Variants in SMOC2 observed in about 807,000 individuals in gnomAD.
SMOC2 encodes the protein SPARC-related modular calcium-binding protein 2.
A neutral mutation model predicts 61.4 loss-of-function variants in SMOC2; 39 were observed. The ratio of observed to expected loss-of-function variants is 0.64; its 90% confidence interval spans 0.49 to 0.83. SMOC2 has a LOEUF of 0.83. Among genes scored for constraint, SMOC2 ranks in the 40% least tolerant of loss-of-function variants. SMOC2 has a pLI of 0.00. For missense variants in SMOC2, 556 were observed against 592.9 expected (o/e 0.94, Z 0.65); for synonymous variants, 247 against 239.9 (o/e 1.03, Z -0.27).
At chr6:168,549,280 TAA>T in intron 7 of SMOC2, 77 bp downstream of exon 7, 1 of 1,387,796 alleles carries the variant, frequency 7.2e-7, no homozygotes, top group South Asian at 1.2e-5. Context: ...TTTTTGGAGT[TAA>T]GTGTATTGTA....
intron 7 of SMOC2, among the ~76,000 whole-genome samples, chr6:168,568,831 C>G (rs1020849668): frequency 1.3e-5 from 2 of 152,154 alleles, no homozygotes; most frequent in African/African-American, 4.8e-5. Flanking sequence ...GTTTAAGGTT[C>G]CTCTGTTACT....
At chr6:168,487,899 T>C (rs1157341601) in intron 1 of SMOC2, among the ~76,000 whole-genome samples, 3 of 152,218 alleles carry the variant, frequency 2.0e-5, no homozygotes, top group African/African-American at 7.2e-5. Context: ...TACATGTATA[T>C]TCTATATGTA....
chr6:168,534,444 C>T (rs375851862), intron 4 of SMOC2, among the ~76,000 whole-genome samples: 1 of 152,246 alleles, frequency 6.6e-6, no homozygotes, highest in African/African-American at 2.4e-5. Flanking sequence ...TGCCAGGGCC[C>T]GGACTGGAAG....
At chr6:168,487,270 A>G (rs921151364) in intron 1 of SMOC2, among the ~76,000 whole-genome samples, 1 of 152,196 alleles carries the variant, frequency 6.6e-6, no homozygotes, top group Non-Finnish European at 1.5e-5. Flanking sequence ...TCCAACTTAA[A>G]TAAACTCACA....
intron 1 of SMOC2, among the ~76,000 whole-genome samples, chr6:168,491,548 A>G (rs1470135606): frequency 6.6e-6 from 1 of 152,106 alleles, no homozygotes; most frequent in East Asian, 1.9e-4. Flanking sequence ...CTCCTGGGCA[A>G]CTCCCACCAG....
At chr6:168,657,883 C>T (rs996034719) in intron 11 of SMOC2, among the ~76,000 whole-genome samples, 2 of 152,192 alleles carry the variant, frequency 1.3e-5, no homozygotes, top group African/African-American at 2.4e-5. Context: ...ATGATGCAGA[C>T]CTCTTAAACC....
intron 7 of SMOC2, among the ~76,000 whole-genome samples, chr6:168,571,047 G>T (rs1583120363): frequency 6.6e-6 from 1 of 152,162 alleles, no homozygotes; most frequent in East Asian, 1.9e-4. Context: ...GACCCTCTTT[G>T]CAGTGACAGT....
At chr6:168,524,995 G>T (rs916699734) in intron 2 of SMOC2, among the ~76,000 whole-genome samples, 1 of 152,252 alleles carries the variant, frequency 6.6e-6, no homozygotes, top group Non-Finnish European at 1.5e-5. Context: ...CCACGAGGGA[G>T]TCAAAAAGTC....
chr6:168,493,025 A>AGATAT (rs1416611366), intron 1 of SMOC2, among the ~76,000 whole-genome samples: 1 of 152,106 alleles, frequency 6.6e-6, no homozygotes, highest in Non-Finnish European at 1.5e-5. Context: ...TGGAATGTTT[A>AGATAT]GATATGCTCA....
intron 1 of SMOC2, among the ~76,000 whole-genome samples, chr6:168,449,308 G>A (rs963636512): frequency 6.6e-6 from 1 of 152,108 alleles, no homozygotes. Context: ...CATTTATAGC[G>A]GTCACTGTAA....
chr6:168,582,446 G>T (rs1038372578), intron 7 of SMOC2, among the ~76,000 whole-genome samples: 2 of 152,180 alleles, frequency 1.3e-5, no homozygotes, highest in African/African-American at 4.8e-5. Context: ...AGGGCTGCAG[G>T]GGTCTTGGGG....
At chr6:168,597,830 C>A (rs1442930137) in intron 7 of SMOC2, among the ~76,000 whole-genome samples, 4 of 152,192 alleles carry the variant, frequency 2.6e-5, no homozygotes, top group Admixed American at 6.5e-5. Context: ...CTACCGCTCT[C>A]CCCCCAGGTG....
chr6:168,587,322 CTCAG>C (rs1785067277), intron 7 of SMOC2, among the ~76,000 whole-genome samples: 1 of 152,216 alleles, frequency 6.6e-6, no homozygotes, highest in African/African-American at 2.4e-5. Context: ...TGTGACAAGT[CTCAG>C]TCAATTTGGA....
intron 2 of SMOC2, among the ~76,000 whole-genome samples, chr6:168,512,069 T>C (rs1783022983): frequency 6.6e-6 from 1 of 152,076 alleles, no homozygotes; most frequent in Non-Finnish European, 1.5e-5. Flanking sequence ...GATGATGTTA[T>C]CCTCCCCTCA....
In SMOC2 at chr6:168,624,199, T is replaced by C. The variant is rs1786324452; in HGVS notation, c.907+15960T>C. 2.0e-5 allele frequency among the ~76,000 whole-genome samples: 3 copies of C among 152,232 alleles called. No individual in the cohort carries two copies. In the South Asian group the frequency reaches 6.2e-4, roughly 31 times the overall value. ...CCTATATGAGTTCATTTACGACTCA[T>C]GACAGTGCTGTGAGGAAGTGTTATT... On this transcript the variant is annotated intron_variant, in intron 9 of 12. Coordinates refer to ENST00000356284, the MANE Select transcript of SMOC2 (RefSeq NM_001166412.2).
intron 7 of SMOC2, among the ~76,000 whole-genome samples, chr6:168,589,309 G>T (rs79500297): frequency 6.6e-6 from 1 of 152,216 alleles, no homozygotes; most frequent in Admixed American, 6.5e-5. Context: ...TTAAAAACAA[G>T]GTATGTCTGG....
rs114927668 is a variant in SMOC2 at position 168,628,628 on chromosome 6, T to A, written c.907+20389T>A. Among the ~76,000 whole-genome samples the A allele has an allele frequency of 3.6e-3, 549 of 152,342 alleles. 4 individuals carry two copies. The highest frequency in any genetic ancestry group is 0.013 in the African/African-American group (537 of 41,574). On this transcript the variant is annotated intron_variant, in intron 9 of 12. Transcript: ENST00000356284. ...TTATACTTTTATTTGACCAATTCCT[T>A]CTCCTAAGTCCCCACGTCTCACTCT...
At position 168,453,116 on chromosome 6, in the gene SMOC2, A is replaced by AATTCCTCAATTCC. The variant is rs1321860041; in HGVS notation, c.84+11662_84+11663insATTCCTCAATTCC. Reference sequence around the variant, plus strand: ...CGGACACTCAGGGCAATCTGCCCTGAGGAATTCAGGGCAGTGTGGCTTGAA... The same window carrying AATTCCTCAATTCC: ...CGGACACTCAGGGCAATCTGCCCTGAATTCCTCAATTCCGGAATTCAGGGCAGTGTGGCTTGAA... On this transcript the variant is annotated intron_variant, in intron 1 of 12. Coordinates refer to ENST00000356284, the MANE Select transcript of SMOC2 (RefSeq NM_001166412.2). The surrounding 1 kb of genome is among the most constrained non-coding windows in gnomAD (Gnocchi z 4.4). 6.7e-6 allele frequency among the ~76,000 whole-genome samples: 1 copy of AATTCCTCAATTCC among 149,950 alleles called. No homozygotes were observed. The highest frequency in any genetic ancestry group is 1.5e-5 in the Non-Finnish European group (1 of 67,416).
chr6:168,449,766 A>G (rs1781418981), intron 1 of SMOC2, among the ~76,000 whole-genome samples: 2 of 152,238 alleles, frequency 1.3e-5, no homozygotes, highest in African/African-American at 4.8e-5. Flanking sequence ...AGAAGGTTTC[A>G]TTACCTTTAA....
Sources: gnomAD v4.1 joint callset for allele counts (sites outside exome capture counted in the v4.1 genomes callset) on GRCh38, gnomAD v4.1.1 for gene constraint, Gnocchi (gnomAD v3.1) non-coding constraint, MANE v1.5 for transcripts, NCBI Gene and HGNC (gene_info 2026-07-23, HGNC 2026-07-21) for gene names.